SLC6A17: variants seen among roughly 807,000 people sequenced by gnomAD.
SLC6A17 encodes solute carrier family 6 member 17.
Under a neutral mutation model 64.5 loss-of-function variants are expected in SLC6A17, and 21 were observed. That is an observed-to-expected ratio of 0.33 (90% CI 0.23 to 0.47). The LOEUF (loss-of-function observed/expected upper bound fraction) is 0.47. Ranked by LOEUF, SLC6A17 falls within the 20% of genes least tolerant of loss-of-function variation. The pLI, the probability that SLC6A17 is intolerant of heterozygous loss-of-function variation, is 1.00. For synonymous variants in SLC6A17, 372 were observed against 399.5 expected (o/e 0.93, Z 0.82); for missense variants, 682 against 963.2 (o/e 0.71, Z 3.86).
At chr1:110,152,897 C>G (rs565295267) in intron 1 of SLC6A17, among the ~76,000 whole-genome samples, 13 of 152,298 alleles carry the variant, frequency 8.5e-5, no homozygotes, top group African/African-American at 2.9e-4. Flanking sequence ...TGCTTCTGCT[C>G]CATCATGAAA....
intron 2 of SLC6A17, among the ~76,000 whole-genome samples, chr1:110,171,355 G>A (rs1042578187): frequency 3.3e-5 from 5 of 152,226 alleles, no homozygotes; most frequent in African/African-American, 9.6e-5. Context: ...ACTTGGAATT[G>A]AGATTGTTTC....
intron 6 of SLC6A17, among the ~76,000 whole-genome samples, chr1:110,185,621 G>A (rs1050657187): frequency 4.6e-5 from 7 of 152,220 alleles, no homozygotes; most frequent in Non-Finnish European, 8.8e-5. Context: ...CGAGGAGGGG[G>A]CGAGCCGCCT....
intron 11 of SLC6A17, 61 bp from the exon 12 acceptor site, chr1:110,198,015 G>T: frequency 6.4e-7 from 1 of 1,551,922 alleles, no homozygotes; most frequent in Non-Finnish European, 8.7e-7. Context: ...AGTCTTGGAG[G>T]GCCTGGGCGG....
chr1:110,160,312 G>A (rs570005254), intron 1 of SLC6A17, among the ~76,000 whole-genome samples: 3 of 152,308 alleles, frequency 2.0e-5, no homozygotes, highest in Non-Finnish European at 2.9e-5. Flanking sequence ...GTTTTACCCC[G>A]CCTCTTTGTT....
At chr1:110,190,520 G>T (rs1340522071) in intron 6 of SLC6A17, among the ~76,000 whole-genome samples, 1 of 152,194 alleles carries the variant, frequency 6.6e-6, no homozygotes, top group Non-Finnish European at 1.5e-5. Context: ...TGAGATGATG[G>T]CAGGTGGGCC....
chr1:110,159,577 A>G (rs1393462974), intron 1 of SLC6A17, among the ~76,000 whole-genome samples: 1 of 152,194 alleles, frequency 6.6e-6, no homozygotes, highest in Non-Finnish European at 1.5e-5. Context: ...CACAAGTCCC[A>G]AGCCATGCTG....
At chr1:110,196,819 G>A (rs2100952693) in intron 10 of SLC6A17, among the ~76,000 whole-genome samples, 1 of 152,286 alleles carries the variant, frequency 6.6e-6, no homozygotes, top group African/African-American at 2.4e-5. Context: ...TTCAATAACT[G>A]GGATGTAATA....
At chr1:110,174,753 C>T (rs201642757) in intron 4 of SLC6A17, 26 bp from the exon 5 acceptor site, 5 of 1,609,470 alleles carry the variant, frequency 3.1e-6, no homozygotes, top group African/African-American at 1.3e-5. Flanking sequence ...GCCACTGAGG[C>T]CCTGTGACCT....
Position 110,173,869 on chromosome 1 carries a change from T to C in SLC6A17, c.445-104T>C, listed in dbSNP as rs536509678. ...CTCCTTGCCTCTCTTGAGGCTGTGC[T>C]GCTGTGTTTATGGCGCTGCCGACGT... On this transcript the variant is annotated intron_variant, in intron 3 of 11. Transcript: ENST00000331565. 7 of 1,506,004 alleles carry C rather than the reference T, an allele frequency of 4.6e-6. No homozygotes were observed. The East Asian group carries it at 1.7e-4, about 36-fold the overall frequency. 93.3% of individuals were successfully genotyped at this position (1,506,004 alleles called of 1,614,324 possible). A position where few individuals can be genotyped will look rare whatever the true frequency, so the allele number is the denominator to read the frequency against.
chr1:110,199,783 C>T lies in SLC6A17; in HGVS notation c.*1339C>T, dbSNP rs879532295. The T allele has an allele frequency of 2.3e-5, 9 of 394,986 alleles. No homozygotes were observed. Among genetic ancestry groups the T allele is most frequent in the Non-Finnish European group, 3.6e-5 (8 of 224,430 alleles). 24.5% of individuals were successfully genotyped at this position (394,986 alleles called of 1,614,324 possible). On this transcript the variant is annotated 3_prime_UTR_variant, in exon 12 of 12. Coordinates refer to ENST00000331565, the MANE Select transcript of SLC6A17 (RefSeq NM_001010898.4). ...TTCAGGGCCTCCTCTGGAAGAGAAC[C>T]CATTCTCAGAGTGCAGCCAGGGAGG... is the stretch of plus-strand genomic sequence containing the variant.
At chr1:110,180,092 A>G (rs1656482054) in intron 6 of SLC6A17, among the ~76,000 whole-genome samples, 1 of 152,306 alleles carries the variant, frequency 6.6e-6, no homozygotes. Context: ...CCAAAAAATA[A>G]TTAATTAAAA....
At chr1:110,184,570 T>A (rs1656627961) in intron 6 of SLC6A17, among the ~76,000 whole-genome samples, 1 of 152,138 alleles carries the variant, frequency 6.6e-6, no homozygotes, top group Non-Finnish European at 1.5e-5. Context: ...AAAGGGTGGA[T>A]AACTGTAGGG....
intron 6 of SLC6A17, among the ~76,000 whole-genome samples, chr1:110,181,034 C>T (rs1211084457): frequency 6.6e-6 from 1 of 152,166 alleles, no homozygotes; most frequent in East Asian, 1.9e-4. Context: ...TGTGGCCAAG[C>T]TGCCATGATG....
At chr1:110,176,892 G>A (rs1343241177) in intron 6 of SLC6A17, among the ~76,000 whole-genome samples, 153 bp downstream of exon 6, 1 of 152,234 alleles carries the variant, frequency 6.6e-6, no homozygotes, top group Admixed American at 6.5e-5. Flanking sequence ...AGGGAAGGGG[G>A]CATGGGCCCT....
Position 110,195,602 on chromosome 1 carries a change from T to A in SLC6A17, c.1509T>A (p.Phe503Leu), listed in dbSNP as rs1445583609. ...TCTCTGTAGTGGGCTGCTGTGTCTT[T>A]GCATTCCTCGTGGGGCTGTTGTTCG... is the stretch of plus-strand genomic sequence containing the variant. ...KEMFTVGCCV[F>L]AFLVGLLFVQ... The change falls in exon 10 of 12, where the codon TTT (phenylalanine) becomes TTA (leucine). Residue 503 changes from phenylalanine (F) to leucine (L), a missense_variant. Around this residue, in one of 3 missense-constraint regions of SLC6A17, gnomAD observed 264 missense variants for 339.5 expected, o/e 0.78. Coordinates refer to ENST00000331565, the MANE Select transcript of SLC6A17 (RefSeq NM_001010898.4). 6.2e-7 allele frequency: 1 copy of A among 1,614,090 alleles called. No individual in the cohort carries two copies. The highest frequency in any genetic ancestry group is 2.2e-5 in the East Asian group (1 of 44,892).
intron 1 of SLC6A17, among the ~76,000 whole-genome samples, chr1:110,157,242 C>T (rs1157765542): frequency 1.3e-5 from 2 of 152,150 alleles, no homozygotes; most frequent in Admixed American, 1.3e-4. Flanking sequence ...CTCCCTGTTT[C>T]TTCACTTGTC....
intron 6 of SLC6A17, among the ~76,000 whole-genome samples, chr1:110,190,604 C>T (rs1336536972): frequency 6.6e-6 from 1 of 152,170 alleles, no homozygotes; most frequent in Admixed American, 6.5e-5. Flanking sequence ...GAGTCCAACA[C>T]CTCACTGTTC....
intron 10 of SLC6A17, 126 bp downstream of exon 10, chr1:110,195,871 A>G: frequency 7.3e-7 from 1 of 1,372,988 alleles, no homozygotes; most frequent in Non-Finnish European, 9.9e-7. Flanking sequence ...ATTTAGGGAA[A>G]CTGAGGTGTA....
intron 6 of SLC6A17, 64 bp downstream of exon 6, chr1:110,176,803 C>G: frequency 7.1e-7 from 1 of 1,408,594 alleles, no homozygotes; most frequent in African/African-American, 1.4e-5. Flanking sequence ...TGGTCAGCTT[C>G]CTGCAATTTC....
Sources: gnomAD v4.1 joint callset for allele counts (sites outside exome capture counted in the v4.1 genomes callset) on GRCh38, gnomAD v4.1.1 for gene constraint, gnomAD v4.1.1 regional missense constraint, MANE v1.5 for transcripts, NCBI Gene and HGNC (gene_info 2026-07-23, HGNC 2026-07-21) for gene names.